The following ERBB4 variants were observed in gnomAD, a reference collection of about 807,000 sequenced individuals.
ERBB4 encodes erb-b2 receptor tyrosine kinase 4.
In ERBB4, 42 loss-of-function variants were observed where a neutral mutation model predicts 158.0. That is an observed-to-expected ratio of 0.27 (90% confidence interval 0.21 to 0.34). The LOEUF (loss-of-function observed/expected upper bound fraction) is 0.34. Ranked by LOEUF, ERBB4 falls within the 10% of genes least tolerant of loss-of-function variation. The probability of loss-of-function intolerance (pLI) is 1.00; values close to 1 mark genes in which losing one functional copy is unlikely to be tolerated. For missense variants in ERBB4, 1,333 were observed against 1,624.1 expected, an observed-to-expected ratio of 0.82 and a Z score of 3.08; for synonymous variants, 583 against 558.7, an observed-to-expected ratio of 1.04 and a Z score of -0.61.
intron 1 of ERBB4, among the ~76,000 whole-genome samples, chr2:212,126,030 C>T (rs1214567179): frequency 6.6e-6 from 1 of 152,110 alleles, no homozygotes; most frequent in Non-Finnish European, 1.5e-5. Flanking sequence ...GTAAAAAATA[C>T]AACTTTTATT....
chr2:211,410,170 G>GTGTC (rs2063227737), intron 25 of ERBB4, among the ~76,000 whole-genome samples: 1 of 152,220 alleles, frequency 6.6e-6, no homozygotes, highest in African/African-American at 2.4e-5. Context: ...GGAGAGCCTG[G>GTGTC]TGTCTGCATG....
chr2:211,485,034 G>A (rs1388834919), intron 20 of ERBB4, among the ~76,000 whole-genome samples: 1 of 152,074 alleles, frequency 6.6e-6, no homozygotes, highest in African/African-American at 2.4e-5. Flanking sequence ...TTCAAGGGTG[G>A]TCAGCATCCA....
rs34276022 is a variant in ERBB4, at chr2:211,839,247, A to AAAAG, written c.422-51092_422-51089dup. Among the ~76,000 whole-genome samples the AAAAG allele has an allele frequency of 1.3e-3, 197 of 151,728 alleles. 1 individual carries two copies. Among genetic ancestry groups the AAAAG allele is most frequent in the Admixed American group, 2.1e-3 (32 of 15,186 alleles). On this transcript the variant is annotated intron_variant, in intron 3 of 27. Coordinates refer to ENST00000342788, the MANE Select transcript of ERBB4 (RefSeq NM_005235.3). Reference sequence around the variant, plus strand: ...AGAGAGAAAGAAGAGAAAAGAAAAGAAAAGAAAGAAAGAAAGACCTAATTG... The same window carrying AAAAG: ...AGAGAGAAAGAAGAGAAAAGAAAAGAAAAGAAAGAAAGAAAGAAAGACCTAATTG...
chr2:212,125,049 C>A, intron 1 of ERBB4, 146 bp from the exon 2 acceptor site: 1 of 861,158 alleles, frequency 1.2e-6, no homozygotes, highest in Non-Finnish European at 1.9e-6. Context: ...GAGGCATAGA[C>A]CCACGCACTG....
At chr2:211,593,872 C>A (rs2068548836) in intron 19 of ERBB4, among the ~76,000 whole-genome samples, 1 of 152,128 alleles carries the variant, frequency 6.6e-6, no homozygotes, top group African/African-American at 2.4e-5. Flanking sequence ...CACCCCTTCC[C>A]AGAGGGACCC....
At chr2:212,057,533 A>T (rs1479352415) in intron 2 of ERBB4, among the ~76,000 whole-genome samples, 3 of 152,178 alleles carry the variant, frequency 2.0e-5, no homozygotes, top group Admixed American at 6.5e-5. Context: ...GTTGGAAGTA[A>T]AGCACTCCTC....
chr2:212,208,368 T>C (rs1336021449), intron 1 of ERBB4, among the ~76,000 whole-genome samples: 3 of 152,140 alleles, frequency 2.0e-5, no homozygotes, highest in Admixed American at 6.5e-5. Flanking sequence ...TTTGTTCTTC[T>C]TAGTATATAA....
intron 2 of ERBB4, among the ~76,000 whole-genome samples, chr2:212,077,052 C>T (rs1489416959): frequency 1.3e-5 from 2 of 151,826 alleles, no homozygotes; most frequent in Non-Finnish European, 2.9e-5. Flanking sequence ...CGTATACAAC[C>T]TAATTATACA....
At chr2:211,399,986 C>T (rs911948559) in intron 25 of ERBB4, among the ~76,000 whole-genome samples, 2 of 151,972 alleles carry the variant, frequency 1.3e-5, no homozygotes, top group African/African-American at 2.4e-5. Context: ...TTAAAATTTT[C>T]AAAAAGTATT....
intron 1 of ERBB4, among the ~76,000 whole-genome samples, chr2:212,442,610 C>G (rs2092277364): frequency 6.6e-6 from 1 of 152,028 alleles, no homozygotes; most frequent in African/African-American, 2.4e-5. Context: ...AGCTTAGGTC[C>G]TACTTACAGT....
At chr2:211,938,283 G>T (rs544277361) in intron 3 of ERBB4, among the ~76,000 whole-genome samples, 7 of 152,168 alleles carry the variant, frequency 4.6e-5, no homozygotes, top group African/African-American at 1.4e-4. Context: ...TTGAAGATAA[G>T]GAAACTGAGG....
intron 19 of ERBB4, among the ~76,000 whole-genome samples, chr2:211,604,441 A>C (rs2068908397): frequency 6.6e-6 from 1 of 152,148 alleles, no homozygotes; most frequent in Non-Finnish European, 1.5e-5. Context: ...GGATAAACCC[A>C]AATGATAAAT....
At chr2:211,819,337 AT>A (rs943455370) in intron 3 of ERBB4, among the ~76,000 whole-genome samples, 2 of 152,076 alleles carry the variant, frequency 1.3e-5, no homozygotes, top group African/African-American at 2.4e-5. Flanking sequence ...AGATATAAAA[AT>A]AAATTATCAC....
At chr2:212,256,132 G>T (rs529613703) in intron 1 of ERBB4, among the ~76,000 whole-genome samples, 67 of 151,882 alleles carry the variant, frequency 4.4e-4, no homozygotes, top group Non-Finnish European at 6.8e-4. Flanking sequence ...CTGTGCTCAG[G>T]TTTGTGTTGT....
At chr2:212,236,758 G>A (rs1041784506) in intron 1 of ERBB4, among the ~76,000 whole-genome samples, 2 of 152,138 alleles carry the variant, frequency 1.3e-5, no homozygotes, top group African/African-American at 4.8e-5. Flanking sequence ...TAGCTTAGAG[G>A]TGTTTATAGT....
rs192995167 is a variant in ERBB4, at chr2:212,450,695, C to T, written c.82+87754G>A. Among the ~76,000 whole-genome samples the T allele has an allele frequency of 3.9e-3, 600 of 152,092 alleles. 5 individuals carry two copies. Among genetic ancestry groups the T allele is most frequent in the African/African-American group, 0.014 (571 of 41,490 alleles). ...TTAAAGCAGCAATAAGAAACCTACA[C>T]AGTCTTCAAACCAGTAAAAGCATAT... On this transcript the variant is annotated intron_variant, in intron 1 of 27. Coordinates refer to ENST00000342788, the MANE Select transcript of ERBB4 (RefSeq NM_005235.3).
intron 1 of ERBB4, among the ~76,000 whole-genome samples, chr2:212,275,133 T>C (rs1291692250): frequency 2.6e-5 from 4 of 152,006 alleles, no homozygotes; most frequent in African/African-American, 7.2e-5. Flanking sequence ...TAGTATTTCA[T>C]GGTGAACATG....
intron 1 of ERBB4, among the ~76,000 whole-genome samples, chr2:212,444,688 T>C (rs982034762): frequency 6.6e-6 from 1 of 152,138 alleles, no homozygotes; most frequent in African/African-American, 2.4e-5. Context: ...GTGGCAGGGA[T>C]GGAGGTTATG....
intron 2 of ERBB4, among the ~76,000 whole-genome samples, chr2:211,994,662 T>A (rs1404248161): frequency 6.6e-6 from 1 of 152,142 alleles, no homozygotes; most frequent in East Asian, 1.9e-4. Flanking sequence ...AACAACTATA[T>A]AGAATTCATC....
Sources: allele counts gnomAD v4.1 joint callset (sites outside exome capture counted in the v4.1 genomes callset), GRCh38; gene constraint gnomAD v4.1.1; transcripts MANE v1.5; gene names NCBI Gene and HGNC (gene_info 2026-07-23, HGNC 2026-07-21).